IARS1: variants seen among roughly 807,000 people sequenced by gnomAD.
The protein encoded by IARS1 is isoleucine--tRNA ligase, cytoplasmic.
Under a neutral mutation model 168.2 loss-of-function variants are expected in IARS1, and 124 were observed. That is an observed-to-expected ratio of 0.74 (90% CI 0.64 to 0.86). The LOEUF is 0.86. Ranked by LOEUF, IARS1 falls within the 40% of genes least tolerant of loss-of-function variation. The pLI is 0.00. For synonymous variants in IARS1, 532 were observed against 529.4 expected (o/e 1.00, Z -0.07); for missense variants, 1,452 against 1,515.8 (o/e 0.96, Z 0.70).
intron 6 of IARS1, 62 bp downstream of exon 6, chr9:92,285,660 A>G (rs1835330948): frequency 2.0e-6 from 2 of 1,018,264 alleles, no homozygotes; most frequent in South Asian, 1.3e-5. Flanking sequence ...TACTGTGATC[A>G]TAACTACTCA....
At position 92,269,047 on chromosome 9, in the gene IARS1, C is replaced by G. The variant is rs998524839; in HGVS notation, c.1305-747G>C. On this transcript the variant is annotated intron_variant, in intron 13 of 33. Transcript: ENST00000443024. ...AGATCAGTTTATATGCCTGCACCCC[C>G]TCGAGGCTATCTTACTAATATTCTA... is the stretch of plus-strand genomic sequence containing the variant. Among the ~76,000 whole-genome samples the G allele has an allele frequency of 2.6e-5, 4 of 152,110 alleles. No homozygotes were observed. The South Asian group carries it at 6.2e-4, about 24-fold the overall frequency.
Position 92,270,051 on chromosome 9 carries a change from T to G in IARS1, c.1206-68A>C. 4 of 906,208 alleles carry G rather than the reference T, an allele frequency of 4.4e-6. No individual in the cohort carries two copies. In the East Asian group the frequency reaches 9.7e-5, roughly 22 times the overall value. 56.1% of individuals were successfully genotyped at this position (906,208 alleles called of 1,614,324 possible). Reference sequence around the variant, plus strand: ...TAGTAGGCACTACGGTAAGACTGACTTTTCATGTCTTATTGACAGCATCAT... The same window carrying G: ...TAGTAGGCACTACGGTAAGACTGACGTTTCATGTCTTATTGACAGCATCAT... On this transcript the variant is annotated intron_variant, in intron 12 of 33. Coordinates refer to ENST00000443024, the MANE Select transcript of IARS1 (RefSeq NM_002161.6).
intron 33 of IARS1, among the ~76,000 whole-genome samples, chr9:92,217,447 G>C (rs912697359): frequency 1.6e-4 from 22 of 139,468 alleles, no homozygotes; most frequent in South Asian, 6.8e-4. Context: ...AGGAAATAGA[G>C]ACACAAAAAA....
chr9:92,248,344 A>G (rs901214968), intron 25 of IARS1, among the ~76,000 whole-genome samples: 1 of 152,328 alleles, frequency 6.6e-6, no homozygotes, highest in Middle Eastern at 3.4e-3. Flanking sequence ...ATTTAGCTAC[A>G]TTAATTAATC....
chr9:92,275,103 C>T (rs997816265), intron 9 of IARS1, among the ~76,000 whole-genome samples: 2 of 152,194 alleles, frequency 1.3e-5, no homozygotes, highest in Admixed American at 6.5e-5. Flanking sequence ...TGCTAACAGA[C>T]CTACTCTACT....
intron 30 of IARS1, among the ~76,000 whole-genome samples, chr9:92,231,001 T>C (rs1183390737): frequency 6.6e-6 from 1 of 152,236 alleles, no homozygotes; most frequent in Non-Finnish European, 1.5e-5. Flanking sequence ...TTGTCAAATA[T>C]GTTGTTTTAT....
At chr9:92,272,198 C>A (rs1833144746) in intron 10 of IARS1, among the ~76,000 whole-genome samples, 1 of 152,186 alleles carries the variant, frequency 6.6e-6, no homozygotes, top group Non-Finnish European at 1.5e-5. Flanking sequence ...TGTTATGATG[C>A]CTAAATATAA....
intron 20 of IARS1, 156 bp downstream of exon 20, chr9:92,256,524 G>A (rs999227530): frequency 5.5e-6 from 4 of 729,804 alleles, no homozygotes; most frequent in East Asian, 3.0e-5. Flanking sequence ...AAGATATCAC[G>A]ACAATTAACA....
chr9:92,258,775 A>C, intron 19 of IARS1, 79 bp downstream of exon 19: 1 of 1,418,318 alleles, frequency 7.1e-7, no homozygotes, highest in Non-Finnish European at 9.5e-7. Flanking sequence ...AGTCTCACAC[A>C]GAGCTCCACC....
intron 9 of IARS1, among the ~76,000 whole-genome samples, chr9:92,275,305 A>G (rs143237781): frequency 2.6e-5 from 4 of 152,366 alleles, no homozygotes; most frequent in African/African-American, 9.6e-5. Context: ...TTCACAGATG[A>G]GCAAGCTCAG....
chr9:92,259,631 C>T (rs181659326), intron 18 of IARS1, among the ~76,000 whole-genome samples: 24 of 152,252 alleles, frequency 1.6e-4, no homozygotes, highest in Non-Finnish European at 1.6e-4. Context: ...ATGCCTAGGA[C>T]ACAGGGATGC....
intron 33 of IARS1, among the ~76,000 whole-genome samples, chr9:92,221,949 A>G (rs967144640): frequency 7.9e-5 from 12 of 152,238 alleles, no homozygotes; most frequent in Non-Finnish European, 1.0e-4. Flanking sequence ...ACCTAGAAGC[A>G]TGTATTTTTA....
chr9:92,252,294 A>C (rs1044036241), intron 21 of IARS1: 7 of 454,030 alleles, frequency 1.5e-5, no homozygotes, highest in Admixed American at 2.5e-5. Context: ...ATTAAAAAAA[A>C]TACCAATTCA....
Position 92,247,375 on chromosome 9 carries a change from A to G in IARS1, c.2791+2T>C, listed in dbSNP as rs1466250837. 6.2e-7 allele frequency: 1 copy of G among 1,613,092 alleles called. No individual in the cohort carries two copies. Among genetic ancestry groups the G allele is most frequent in the African/African-American group, 1.3e-5 (1 of 74,864 alleles). On this transcript the variant is annotated splice_donor_variant, in intron 26 of 33. Coordinates refer to ENST00000443024, the MANE Select transcript of IARS1 (RefSeq NM_002161.6). LOFTEE classifies it high-confidence loss of function. ...GGTGCCCTTGTCTGTGTAGACACCT[A>G]CCAGTCTTCTGGAACTGCTCCAGCT...
At chr9:92,281,035 T>C (rs1024852081) in intron 6 of IARS1, 142 bp from the exon 7 acceptor site, 19 of 484,906 alleles carry the variant, frequency 3.9e-5, no homozygotes, top group Non-Finnish European at 6.2e-5. Context: ...AAACAGAAAA[T>C]AGCAAGAAAT....
chr9:92,287,720 C>T (rs1351278171), intron 4 of IARS1, 71 bp downstream of exon 4: 11 of 1,500,148 alleles, frequency 7.3e-6, no homozygotes, highest in Non-Finnish European at 9.0e-6. Context: ...GCACAAGGGA[C>T]CATAAACCAT....
intron 30 of IARS1, among the ~76,000 whole-genome samples, chr9:92,230,739 G>C (rs1431879677): frequency 6.6e-6 from 1 of 152,200 alleles, no homozygotes; most frequent in Non-Finnish European, 1.5e-5. Context: ...CACCAGCAAT[G>C]TATGAGATAC....
At chr9:92,240,669 A>G (rs1225317572) in intron 30 of IARS1, 187 bp downstream of exon 30, 1 of 717,736 alleles carries the variant, frequency 1.4e-6, no homozygotes, top group Non-Finnish European at 2.6e-6. Context: ...GGTAGATTTC[A>G]GGAATGATCC....
At position 92,282,999 on chromosome 9, in the gene IARS1, T is replaced by C. The variant is rs78765654; in HGVS notation, c.598-2106A>G. Among the ~76,000 whole-genome samples the C allele has an allele frequency of 3.7e-4, 56 of 151,962 alleles. No homozygotes were observed. In the East Asian group the frequency reaches 4.1e-3, roughly 11 times the overall value. ...CCTGTGGAGTAGTTGGAACTAAAGG[T>C]TCACGCCACCACGCCCAGCTAATTT... On this transcript the variant is annotated intron_variant, in intron 6 of 33. Coordinates refer to ENST00000443024, the MANE Select transcript of IARS1 (RefSeq NM_002161.6).
Sources: allele counts gnomAD v4.1 joint callset (sites outside exome capture counted in the v4.1 genomes callset), GRCh38; gene constraint gnomAD v4.1.1; transcripts MANE v1.5; gene names NCBI Gene and HGNC (gene_info 2026-07-23, HGNC 2026-07-21).